MAFF: variants seen among roughly 807,000 people sequenced by gnomAD.
MAFF encodes the protein transcription factor MafF.
In MAFF, 4 loss-of-function variants were observed where a neutral mutation model predicts 2.7. That is an observed-to-expected ratio of 1.48 (90% confidence interval 0.73 to 3.39). The LOEUF is 3.39. Among genes scored for constraint, MAFF ranks in the 30% most tolerant of loss-of-function variants. MAFF has a pLI of 0.01. For missense variants in MAFF, 190 were observed against 246.6 expected (o/e 0.77, Z 1.54); for synonymous variants, 113 against 119.4 (o/e 0.95, Z 0.35).
chr22:38,214,259 T>G lies in MAFF; in HGVS notation c.37-161T>G, dbSNP rs2091125226. Among the ~76,000 whole-genome samples, 1 of 152,270 alleles carries G rather than the reference T, an allele frequency of 6.6e-6. No homozygotes were observed. Among genetic ancestry groups the G allele is most frequent in the Non-Finnish European group, 1.5e-5 (1 of 68,046 alleles). On this transcript the variant is annotated intron_variant, in intron 2 of 2. Transcript: ENST00000338483. The surrounding 1 kb of genome is among the most constrained non-coding windows in gnomAD (Gnocchi z 6.3). ...GCCTCCTTTTGTGTCCCGATCCTAG[T>G]CTGGCCCGGTTTCCCCTTCCCGGAT...
At chr22:38,210,153 G>A (rs2091087215) in intron 1 of MAFF, among the ~76,000 whole-genome samples, 1 of 152,192 alleles carries the variant, frequency 6.6e-6, no homozygotes, top group Non-Finnish European at 1.5e-5. Flanking sequence ...GGGGTCTAAA[G>A]CTGCCTGGGT....
At position 38,215,169 on chromosome 22, in the gene MAFF, G is replaced by A. The variant is rs2091138338; in HGVS notation, c.*291G>A. ...GATTGAGAGATACAGAGCCGGCTTAGAGAACAGCTGTTGGGGGAGAAGAGG... is the reference window on the plus strand; with the variant it reads ...GATTGAGAGATACAGAGCCGGCTTAAAGAACAGCTGTTGGGGGAGAAGAGG... On this transcript the variant is annotated 3_prime_UTR_variant, in exon 3 of 3. Coordinates refer to ENST00000338483, the MANE Select transcript of MAFF (RefSeq NM_012323.4). The A allele has an allele frequency of 2.7e-6, 1 of 371,208 alleles. No individual in the cohort carries two copies. The highest frequency in any genetic ancestry group is 5.1e-5 in the Admixed American group (1 of 19,768). 23.0% of individuals were successfully genotyped at this position (371,208 alleles called of 1,614,324 possible). A position where few individuals can be genotyped will look rare whatever the true frequency, so the allele number is the denominator to read the frequency against.
Position 38,213,896 on chromosome 22 carries a change from A to C in MAFF, c.36+7A>C. ...ATCCAGCAAAGCTCTAAAGGTGAGGAGGCAGCCTCTGTCAACCCAGTGAAG... is the reference window on the plus strand; with the variant it reads ...ATCCAGCAAAGCTCTAAAGGTGAGGCGGCAGCCTCTGTCAACCCAGTGAAG... On this transcript the variant is annotated splice_region_variant and intron_variant, in intron 2 of 2. Transcript: ENST00000338483. The C allele has an allele frequency of 6.2e-7, 1 of 1,614,162 alleles. No homozygotes were observed. Among genetic ancestry groups the C allele is most frequent in the Non-Finnish European group, 8.5e-7 (1 of 1,179,988 alleles).
chr22:38,208,158 TG>T (rs1347829500), intron 1 of MAFF, among the ~76,000 whole-genome samples: 1 of 152,160 alleles, frequency 6.6e-6, no homozygotes, highest in African/African-American at 2.4e-5. Context: ...TGACCCCTCC[TG>T]GACAGACAGC....
chr22:38,208,197 C>T lies in MAFF; in HGVS notation c.-31-5626C>T, dbSNP rs2091068187. On this transcript the variant is annotated intron_variant, in intron 1 of 2. Transcript: ENST00000338483. ...TTCTAACCTCCCAGCTGCTCACTGA[C>T]CTCTACAGTGTATACCACTTGATTC... Among the ~76,000 whole-genome samples the T allele has an allele frequency of 2.0e-5, 3 of 152,338 alleles. No homozygotes were observed. The South Asian group carries it at 6.2e-4, about 32-fold the overall frequency.
chr22:38,208,480 A>G (rs770225473), intron 1 of MAFF, among the ~76,000 whole-genome samples: 11 of 152,172 alleles, frequency 7.2e-5, no homozygotes, highest in Non-Finnish European at 1.3e-4. Context: ...CAACAGGCCC[A>G]AGGAAGCAGC....
chr22:38,206,361 T>G (rs1488878372), intron 1 of MAFF, among the ~76,000 whole-genome samples: 176 of 100,348 alleles, frequency 1.8e-3, no homozygotes, highest in African/African-American at 7.8e-3. Context: ...TTTTTTTTTT[T>G]GATGGAGTCT....
At chr22:38,210,958 G>A (rs2091095180) in intron 1 of MAFF, among the ~76,000 whole-genome samples, 1 of 152,048 alleles carries the variant, frequency 6.6e-6, no homozygotes, top group African/African-American at 2.4e-5. Context: ...TACTAGGGAG[G>A]CTGAGGTAGG....
chr22:38,213,176 C>CAAAAAAAAAAAAAAAAAAAAAAAAA (rs57782814), intron 1 of MAFF, among the ~76,000 whole-genome samples: 2 of 114,084 alleles, frequency 1.8e-5, no homozygotes, highest in African/African-American at 6.7e-5. Context: ...GACTCTGTCT[C>CAAAAAAAAAAAAAAAAAAAAAAAAA]AAAAAAAAAA....
chr22:38,208,254 G>A (rs2091068932), intron 1 of MAFF, among the ~76,000 whole-genome samples: 2 of 152,182 alleles, frequency 1.3e-5, no homozygotes, highest in East Asian at 1.9e-4. Flanking sequence ...GTATTGTTCC[G>A]ATCCTTTAGA....
rs897514249 is a variant in MAFF at position 38,214,847 on chromosome 22, A to C, written c.464A>C (p.Asp155Ala). The part of the protein sequence containing the change: ...GSGSGPAHGP[D>A]PAHGPASCS ...GGGTCTGGCCCCGCCCACGGCCCGG[A>C]CCCCGCCCACGGCCCGGCCTCCTGC... The change falls in exon 3 of 3, where the codon GAC becomes GCC. Residue 155 changes from aspartate (D) to alanine (A), a missense_variant. Asp to Ala is a moderately radical substitution (Grantham distance 126). This residue lies in a region of MAFF where 103 missense variants were observed against 103.0 expected (regional missense o/e 1.00). Coordinates refer to ENST00000338483, the MANE Select transcript of MAFF (RefSeq NM_012323.4). This position sits in a 1 kb window ranked among gnomAD's most constrained non-coding sequence, Gnocchi z 6.3. 2 of 1,500,118 alleles carry C rather than the reference A, an allele frequency of 1.3e-6. No individual in the cohort carries two copies. Among genetic ancestry groups the C allele is most frequent in the Non-Finnish European group, 1.8e-6 (2 of 1,127,010 alleles). The allele number at this position is 1,500,118 out of a possible 1,614,324, so 92.9% of individuals were successfully genotyped here.
chr22:38,213,592 G>A (rs1476134029), intron 1 of MAFF: 17 of 635,012 alleles, frequency 2.7e-5, no homozygotes, highest in African/African-American at 7.2e-5. Context: ...CCTAAATGAT[G>A]AGGAGTCACC....
chr22:38,214,814 C>T lies in MAFF; in HGVS notation c.431C>T (p.Pro144Leu). The change falls in exon 3 of 3, where the codon CCG becomes CTG. Residue 144 changes from proline to leucine, a missense_variant. Physicochemically the swap from Pro to Leu is moderately conservative, Grantham distance 98. Transcript: ENST00000338483. The surrounding 1 kb of genome is among the most constrained non-coding windows in gnomAD (Gnocchi z 6.3). The stretch of plus-strand genomic sequence containing the variant: ...GTCATCACCATCGTCAAGTCCACCC[C>T]GGGCTCGGGGTCTGGCCCCGCCCAC... ...ASVITIVKST[P>L]GSGSGPAHGP... 1 of 1,490,408 alleles carries T rather than the reference C, an allele frequency of 6.7e-7. No individual in the cohort carries two copies. The highest frequency in any genetic ancestry group is 8.9e-7 in the Non-Finnish European group (1 of 1,125,750). The allele number at this position is 1,490,408 out of a possible 1,614,324, so 92.3% of individuals were successfully genotyped here. A position where few individuals can be genotyped will look rare whatever the true frequency, so the allele number is the denominator to read the frequency against.
At chr22:38,213,198 AAAAG>A (rs1555888681) in intron 1 of MAFF, among the ~76,000 whole-genome samples, 4 of 120,478 alleles carry the variant, frequency 3.3e-5, no homozygotes, top group Admixed American at 2.7e-4. Context: ...AAAAAAAAAA[AAAAG>A]AAAGAAAGAA....
In MAFF at chr22:38,213,845, T is replaced by C. The variant is rs1395842696; in HGVS notation, c.-9T>C. The stretch of plus-strand genomic sequence containing the variant: ...TAGGTCTGCAGCCCAGAGGGCACCT[T>C]CTGCAAACATGTCTGTGGATCCCCT... On this transcript the variant is annotated 5_prime_UTR_variant, in exon 2 of 3. Coordinates refer to ENST00000338483, the MANE Select transcript of MAFF (RefSeq NM_012323.4). The C allele has an allele frequency of 6.2e-7, 1 of 1,614,022 alleles. No homozygotes were observed. Among genetic ancestry groups the C allele is most frequent in the Non-Finnish European group, 8.5e-7 (1 of 1,179,962 alleles).
In MAFF at chr22:38,209,410, C is replaced by T. The variant is rs1434386722; in HGVS notation, c.-31-4413C>T. Reference sequence around the variant, plus strand: ...CTGGCTGGTGGCATGGTCAGATTCGCGTGGTGCAAAGATTGTCCAGCTGCT... The same window carrying T: ...CTGGCTGGTGGCATGGTCAGATTCGTGTGGTGCAAAGATTGTCCAGCTGCT... On this transcript the variant is annotated intron_variant, in intron 1 of 2. Coordinates refer to ENST00000338483, the MANE Select transcript of MAFF (RefSeq NM_012323.4). 2.0e-5 allele frequency among the ~76,000 whole-genome samples: 3 copies of T among 152,188 alleles called. 1 individual carries two copies. The highest frequency in any genetic ancestry group is 6.8e-3 in the Middle Eastern group (2 of 294).
Position 38,215,172 on chromosome 22 carries a change from A to G in MAFF, c.*294A>G, listed in dbSNP as rs2091138403. The G allele has an allele frequency of 5.5e-6, 2 of 365,824 alleles. No homozygotes were observed. Among genetic ancestry groups the G allele is most frequent in the African/African-American group, 4.4e-5 (2 of 45,530 alleles). The allele number at this position is 365,824 out of a possible 1,614,324, so 22.7% of individuals were successfully genotyped here. ...TGAGAGATACAGAGCCGGCTTAGAG[A>G]ACAGCTGTTGGGGGAGAAGAGGGCA... On this transcript the variant is annotated 3_prime_UTR_variant, in exon 3 of 3. Transcript: ENST00000338483.
intron 1 of MAFF, among the ~76,000 whole-genome samples, chr22:38,211,507 G>A (rs2091101331): frequency 7.4e-6 from 1 of 135,976 alleles, no homozygotes; most frequent in Non-Finnish European, 1.6e-5. Context: ...TTACAGGCGT[G>A]AGCCACCGCG....
Position 38,214,653 on chromosome 22 carries a change from G to A in MAFF, c.270G>A (p.Val90=). 6.4e-7 allele frequency: 1 copy of A among 1,556,484 alleles called. No homozygotes were observed. The highest frequency in any genetic ancestry group is 8.7e-7 in the Non-Finnish European group (1 of 1,151,188). The change falls in exon 3 of 3, where the codon GTG becomes GTA. Residue 90 remains valine, a synonymous_variant. Transcript: ENST00000338483. The surrounding 1 kb of genome is among the most constrained non-coding windows in gnomAD (Gnocchi z 6.3). ...AGAAGTCGGAGCTGGAGCGCGAGGT[G>A]GACAAGCTGGCGCGCGAGAACGCCG... ...QKQKSELERE[V]DKLARENAAM... is the part of the protein sequence containing the mutation.
Sources: allele counts gnomAD v4.1 joint callset (sites outside exome capture counted in the v4.1 genomes callset), GRCh38; gene constraint gnomAD v4.1.1; regional missense constraint gnomAD v4.1.1; non-coding constraint Gnocchi (gnomAD v3.1); transcripts MANE v1.5; gene names NCBI Gene and HGNC (gene_info 2026-07-23, HGNC 2026-07-21).